Variants in PREX1 observed in about 807,000 individuals in gnomAD.
The protein encoded by PREX1 is phosphatidylinositol 3,4,5-trisphosphate-dependent Rac exchanger 1 protein.
In PREX1, 41 loss-of-function variants were observed where a neutral mutation model predicts 198.3. The ratio of observed to expected loss-of-function variants is 0.21; its 90% confidence interval spans 0.16 to 0.27. The LOEUF (loss-of-function observed/expected upper bound fraction) is 0.27. PREX1 is among the 10% of genes least tolerant of loss of function. The pLI is 1.00. For missense variants in PREX1, 1,620 were observed against 2,200.7 expected (o/e 0.74, Z 5.28); for synonymous variants, 843 against 887.2 (o/e 0.95, Z 0.89).
intron 1 of PREX1, among the ~76,000 whole-genome samples, chr20:48,825,079 C>G (rs1357805016): frequency 2.0e-5 from 3 of 152,188 alleles, no homozygotes; most frequent in Non-Finnish European, 4.4e-5. Flanking sequence ...GGCTGCCAGC[C>G]TTGCAACCAT....
intron 6 of PREX1, among the ~76,000 whole-genome samples, chr20:48,702,106 G>A (rs2089877988): frequency 6.6e-6 from 1 of 152,040 alleles, no homozygotes; most frequent in Non-Finnish European, 1.5e-5. Context: ...CTACTCGGGA[G>A]GCTGAGGCAG....
intron 24 of PREX1, 96 bp downstream of exon 24, chr20:48,649,900 A>G (rs903441390): frequency 7.0e-7 from 1 of 1,419,086 alleles, no homozygotes; most frequent in African/African-American, 1.4e-5. Flanking sequence ...TGGAGCCGCC[A>G]TTCCAGCCCT....
chr20:48,672,565 T>A (rs1230102043), intron 14 of PREX1, among the ~76,000 whole-genome samples: 2 of 152,230 alleles, frequency 1.3e-5, no homozygotes, highest in Admixed American at 6.5e-5. Context: ...CAGCCTGGCA[T>A]GGTGCGCCCA....
chr20:48,627,828 G>T, intron 38 of PREX1, 33 bp downstream of exon 38: 2 of 1,593,946 alleles, frequency 1.3e-6, no homozygotes, highest in Non-Finnish European at 1.7e-6. Context: ...TCAGCCCAGG[G>T]TGCTGGAGGA....
At chr20:48,819,481 T>A (rs551355512) in intron 1 of PREX1, among the ~76,000 whole-genome samples, 1 of 152,326 alleles carries the variant, frequency 6.6e-6, no homozygotes, top group African/African-American at 2.4e-5. Context: ...GATGCGACCA[T>A]CCCTGTCACA....
At chr20:48,643,064 TGGGG>T (rs986539936) in intron 27 of PREX1, among the ~76,000 whole-genome samples, 1 of 151,812 alleles carries the variant, frequency 6.6e-6, no homozygotes, top group East Asian at 1.9e-4. Flanking sequence ...GAACCAAGGG[TGGGG>T]GGGAGACTTG....
At position 48,634,149 on chromosome 20, in the gene PREX1, T is replaced by C. The variant is rs541180461; in HGVS notation, c.4267+527A>G. ...ATGCATGGACACATGGGTGGGTGGATGGATGGATGGATGGATGGATGGATG... is the reference window on the plus strand; with the variant it reads ...ATGCATGGACACATGGGTGGGTGGACGGATGGATGGATGGATGGATGGATG... On this transcript the variant is annotated intron_variant, in intron 33 of 39. Transcript: ENST00000371941. Among the ~76,000 whole-genome samples, 303 of 127,624 alleles carry C rather than the reference T, an allele frequency of 2.4e-3. 1 individual carries two copies. Among genetic ancestry groups the C allele is most frequent in the African/African-American group, 8.5e-3 (290 of 34,124 alleles). The allele number at this position is 127,624 out of a possible 152,430, so 83.7% of individuals were successfully genotyped here.
rs540482943 is a variant in PREX1 at position 48,758,732 on chromosome 20, T to G, written c.220-10852A>C. Among the ~76,000 whole-genome samples the G allele has an allele frequency of 4.1e-3, 623 of 152,238 alleles. 3 individuals are homozygous for G. Among genetic ancestry groups the G allele is most frequent in the Non-Finnish European group, 7.1e-3 (484 of 67,964 alleles). ...GGGAGCAAACAGCATTGCGTGTATC[T>G]GAGGATACAGCATCACGGGCAGGGT... is the stretch of plus-strand genomic sequence containing the variant. On this transcript the variant is annotated intron_variant, in intron 1 of 39. Transcript: ENST00000371941.
At position 48,666,003 on chromosome 20, in the gene PREX1, A is replaced by G. The variant is rs2089637655; in HGVS notation, c.1738+280T>C. 6.6e-6 allele frequency among the ~76,000 whole-genome samples: 1 copy of G among 152,218 alleles called. No homozygotes were observed. Among genetic ancestry groups the G allele is most frequent in the Non-Finnish European group, 1.5e-5 (1 of 68,036 alleles). ...ATCTGGCCTTGCTGCCTACCCTGGAAGGCCACATCCCCCCCAGGAAGAAGG... is the reference window on the plus strand; with the variant it reads ...ATCTGGCCTTGCTGCCTACCCTGGAGGGCCACATCCCCCCCAGGAAGAAGG... On this transcript the variant is annotated intron_variant, in intron 15 of 39. Coordinates refer to ENST00000371941, the MANE Select transcript of PREX1 (RefSeq NM_020820.4). The surrounding 1 kb of genome is among the most constrained non-coding windows in gnomAD (Gnocchi z 4.3).
chr20:48,866,842 T>A, the PREX1 span, among the ~76,000 whole-genome samples: 50 of 152,026 alleles, frequency 3.3e-4, no homozygotes, highest in Admixed American at 9.2e-4. Context: ...GGTGGGAGGA[T>A]CACTTGAGCC....
At chr20:48,785,193 C>G in intron 1 of PREX1, among the ~76,000 whole-genome samples, 1 of 152,336 alleles carries the variant, frequency 6.6e-6, no homozygotes, top group Middle Eastern at 3.4e-3. Context: ...GGATTACAGG[C>G]GTGAGCCACT....
chr20:48,884,057 C>T, the PREX1 span, among the ~76,000 whole-genome samples: 6 of 150,434 alleles, frequency 4.0e-5, no homozygotes, highest in Admixed American at 1.3e-4. Context: ...GGAGAACGGC[C>T]GTGAACTCAG....
At chr20:48,781,980 C>G (rs1030432173) in intron 1 of PREX1, among the ~76,000 whole-genome samples, 11 of 152,202 alleles carry the variant, frequency 7.2e-5, no homozygotes, top group African/African-American at 2.7e-4. Flanking sequence ...TACCCTGTTA[C>G]AGATGGTGAT....
intron 1 of PREX1, among the ~76,000 whole-genome samples, chr20:48,820,418 C>A (rs1456389014): frequency 6.6e-6 from 1 of 152,176 alleles, no homozygotes; most frequent in African/African-American, 2.4e-5. Flanking sequence ...GGGATCTGAA[C>A]CCAGGCAAGG....
At chr20:48,690,877 C>G in intron 9 of PREX1, 70 bp downstream of exon 9, 3 of 1,599,712 alleles carry the variant, frequency 1.9e-6, no homozygotes, top group Non-Finnish European at 2.6e-6. Context: ...TCCCTAGACA[C>G]AGCCCCCACT....
chr20:48,744,126 G>T (rs1188149473), intron 3 of PREX1, among the ~76,000 whole-genome samples: 1 of 152,166 alleles, frequency 6.6e-6, no homozygotes. Context: ...TGTCGGGGCT[G>T]TCATGTGCAT....
rs1416510670 is a variant in PREX1 at position 48,625,772 on chromosome 20, A to T, written c.*113T>A. The stretch of plus-strand genomic sequence containing the variant: ...AGGGAGGACGCTGGGCAGGTCCCGG[A>T]ACGGGCGGCTGCGGAAGCCTTGGGC... On this transcript the variant is annotated 3_prime_UTR_variant, in exon 40 of 40. Transcript: ENST00000371941. 3.9e-6 allele frequency: 5 copies of T among 1,275,074 alleles called. No homozygotes were observed. The Admixed American group carries it at 1.6e-4, about 40-fold the overall frequency. The allele number at this position is 1,275,074 out of a possible 1,614,324, so 79.0% of individuals were successfully genotyped here. A position where few individuals can be genotyped will look rare whatever the true frequency, so the allele number is the denominator to read the frequency against.
chr20:48,641,929 A>G (rs1382545540), intron 29 of PREX1, among the ~76,000 whole-genome samples: 3 of 103,548 alleles, frequency 2.9e-5, no homozygotes, highest in Non-Finnish European at 5.7e-5. Context: ...GAGGGGAGGG[A>G]AGGGGAGGGG....
intron 1 of PREX1, among the ~76,000 whole-genome samples, chr20:48,779,924 C>T (rs1280715997): frequency 6.6e-6 from 1 of 152,158 alleles, no homozygotes; most frequent in Non-Finnish European, 1.5e-5. Flanking sequence ...TCTATCCAGA[C>T]TGTAGTGGTA....
Sources: gnomAD v4.1 joint callset for allele counts (sites outside exome capture counted in the v4.1 genomes callset) on GRCh38, gnomAD v4.1.1 for gene constraint, Gnocchi (gnomAD v3.1) non-coding constraint, MANE v1.5 for transcripts, NCBI Gene and HGNC (gene_info 2026-07-23, HGNC 2026-07-21) for gene names.